The following PDE2A variants were observed in gnomAD, a reference collection of about 807,000 sequenced individuals.
The protein encoded by PDE2A is phosphodiesterase 2A, also known as cGMP-dependent 3',5'-cyclic phosphodiesterase.
A neutral mutation model predicts 133.6 loss-of-function variants in PDE2A; 53 were observed. The observed-to-expected ratio is 0.40, with a 90% CI of 0.32 to 0.50. The LOEUF is 0.50. PDE2A is among the 20% of genes least tolerant of loss of function. The pLI is 0.73. For synonymous variants in PDE2A, 491 were observed against 490.2 expected (o/e 1.00, Z -0.02); for missense variants, 796 against 1,232.4 (o/e 0.65, Z 5.30).
chr11:72,578,998 G>A lies in PDE2A; in HGVS notation c.2368C>T (p.Arg790Ter). 6 of 1,612,248 alleles carry A rather than the reference G, an allele frequency of 3.7e-6. No homozygotes were observed. Among genetic ancestry groups the A allele is most frequent in the Non-Finnish European group, 5.1e-6 (6 of 1,178,358 alleles). ...LQKMAEVGYD[R>*]NNKQHHRLLL... ...AGTCTGTGGTGCTGCTTGTTGTTTC[G>A]GTCGTAGCCCACTGTTGAGGGGAGG... Residue 790 changes from arginine (R) to a stop codon, truncating the protein, a stop_gained, in exon 28 of 31, where the codon CGA becomes TGA. Transcript: ENST00000334456. LOFTEE classifies it high-confidence loss of function. This position sits in a 1 kb window ranked among gnomAD's most constrained non-coding sequence, Gnocchi z 4.2.
chr11:72,596,616 C>G lies in PDE2A; in HGVS notation c.466G>C (p.Gly156Arg), dbSNP rs751686991. The change falls in exon 6 of 31, where the codon GGG (glycine) becomes CGG (arginine). Residue 156 changes from glycine to arginine, a missense_variant. Physicochemically the swap from Gly to Arg is moderately radical, Grantham distance 125. Coordinates refer to ENST00000334456, the MANE Select transcript of PDE2A (RefSeq NM_002599.5). Reference protein sequence around the residue: ...LVMPLADKEAGAVAAVILVHC... With the variant: ...LVMPLADKEARAVAAVILVHC... Reference sequence around the variant, plus strand: ...ACCAAGATGACAGCTGCCACGGCCCCAGCCTCCTTGTCCGCTAGCGGCATG... The same window carrying G: ...ACCAAGATGACAGCTGCCACGGCCCGAGCCTCCTTGTCCGCTAGCGGCATG... 2 of 1,516,266 alleles carry G rather than the reference C, an allele frequency of 1.3e-6. No homozygotes were observed. The highest frequency in any genetic ancestry group is 3.9e-5 in the Admixed American group (2 of 51,030). 93.9% of individuals were successfully genotyped at this position (1,516,266 alleles called of 1,614,324 possible).
intron 2 of PDE2A, among the ~76,000 whole-genome samples, chr11:72,640,122 C>T (rs1325584146): frequency 2.0e-5 from 3 of 151,876 alleles, no homozygotes; most frequent in Non-Finnish European, 4.4e-5. Flanking sequence ...CACGTCACAC[C>T]AAAAAGTCAC....
chr11:72,642,482 G>T (rs1181939344), intron 1 of PDE2A, 156 bp from the exon 2 acceptor site: 2 of 722,896 alleles, frequency 2.8e-6, no homozygotes, highest in Non-Finnish European at 3.2e-6. Context: ...CCCCGCCCCG[G>T]CCCGCCCCCC....
At chr11:72,596,702 T>G in intron 5 of PDE2A, 54 bp from the exon 6 acceptor site, 2 of 1,222,216 alleles carry the variant, frequency 1.6e-6, no homozygotes, top group African/African-American at 3.1e-5. Flanking sequence ...GGCTCAGAGA[T>G]ACCGAGCCGG....
At chr11:72,628,638 G>A (rs1858210040) in intron 2 of PDE2A, among the ~76,000 whole-genome samples, 4 of 152,218 alleles carry the variant, frequency 2.6e-5, no homozygotes, top group South Asian at 4.1e-4. Flanking sequence ...AGTGATAGAC[G>A]TTCTTATCCC....
At chr11:72,591,167 G>T in intron 7 of PDE2A, 130 bp downstream of exon 7, 7 of 741,240 alleles carry the variant, frequency 9.4e-6, no homozygotes, top group South Asian at 9.4e-5. Flanking sequence ...CTTGCTCAAG[G>T]TCACACAGCT....
intron 3 of PDE2A, among the ~76,000 whole-genome samples, chr11:72,606,805 G>T (rs1029535747): frequency 1.3e-5 from 2 of 152,204 alleles, no homozygotes; most frequent in Non-Finnish European, 2.9e-5. Flanking sequence ...TAGTCCATGG[G>T]GGCAGAGGGG....
At chr11:72,629,240 A>G (rs1858249048) in intron 2 of PDE2A, among the ~76,000 whole-genome samples, 1 of 150,960 alleles carries the variant, frequency 6.6e-6, no homozygotes. Flanking sequence ...GACAAAGAGC[A>G]GAACTTGAAC....
At chr11:72,579,438 C>A in intron 26 of PDE2A, 55 bp from the exon 27 acceptor site, 1 of 1,569,338 alleles carries the variant, frequency 6.4e-7, no homozygotes, top group Non-Finnish European at 8.7e-7. Context: ...CACCCATTTG[C>A]CCATCCCAGT....
rs150429517 is a variant in PDE2A, at chr11:72,623,970, A to G, written c.145-15219T>C. On this transcript the variant is annotated intron_variant, in intron 2 of 30. Transcript: ENST00000334456. ...GCACCATGCACACTCGCACACATAC[A>G]TATTCTGCAACCTGAGCAATCTTTT... 1.8e-3 allele frequency among the ~76,000 whole-genome samples: 265 copies of G among 148,596 alleles called. 1 individual carries two copies. Among genetic ancestry groups the G allele is most frequent in the African/African-American group, 6.4e-3 (256 of 40,312 alleles).
chr11:72,608,136 G>A (rs1857051439), intron 3 of PDE2A, among the ~76,000 whole-genome samples: 1 of 152,120 alleles, frequency 6.6e-6, no homozygotes, highest in Non-Finnish European at 1.5e-5. Context: ...CCATGGTATT[G>A]GGATGGGACA....
Position 72,648,574 on chromosome 11 carries a change from G to A in PDE2A, c.72-6248C>T, listed in dbSNP as rs1401902751. On this transcript the variant is annotated intron_variant, in intron 1 of 30. Coordinates refer to ENST00000334456, the MANE Select transcript of PDE2A (RefSeq NM_002599.5). ...CCATTTTCATGTGATTTGCATGCATGTTTGTCTTGTCTGCAGCAGATGGCT... is the reference window on the plus strand; with the variant it reads ...CCATTTTCATGTGATTTGCATGCATATTTGTCTTGTCTGCAGCAGATGGCT... 2.6e-5 allele frequency among the ~76,000 whole-genome samples: 4 copies of A among 152,136 alleles called. No individual in the cohort carries two copies. In the East Asian group the frequency reaches 7.7e-4, roughly 29 times the overall value.
At position 72,576,331 on chromosome 11, in the gene PDE2A, C is replaced by G; in HGVS notation, c.*1053G>C. 6.6e-6 allele frequency: 1 copy of G among 152,272 alleles called. No homozygotes were observed. The highest frequency in any genetic ancestry group is 2.1e-4 in the South Asian group (1 of 4,824). The allele number at this position is 152,272 out of a possible 1,614,324, so 9.4% of individuals were successfully genotyped here. ...AGAGAAAAAGAGAGAAGCCAGTGGC[C>G]GGGCTGACCCAAGAGTCCCGGCCCT... On this transcript the variant is annotated 3_prime_UTR_variant, in exon 31 of 31. Coordinates refer to ENST00000334456, the MANE Select transcript of PDE2A (RefSeq NM_002599.5).
At chr11:72,671,269 G>A (rs1855377810) in intron 1 of PDE2A, among the ~76,000 whole-genome samples, 1 of 152,212 alleles carries the variant, frequency 6.6e-6, no homozygotes, top group African/African-American at 2.4e-5. Flanking sequence ...TGTGTCCCCG[G>A]TGACAAGCCA....
intron 2 of PDE2A, among the ~76,000 whole-genome samples, chr11:72,627,532 G>A (rs565320537): frequency 6.6e-6 from 1 of 152,348 alleles, no homozygotes; most frequent in Admixed American, 6.5e-5. Flanking sequence ...AGGGGGAGCT[G>A]CTGTGTGCTG....
intron 2 of PDE2A, among the ~76,000 whole-genome samples, chr11:72,623,418 T>G (rs1027687750): frequency 6.6e-6 from 1 of 151,962 alleles, no homozygotes; most frequent in Non-Finnish European, 1.5e-5. Context: ...ATATTCAGAG[T>G]TTAAGGCTCG....
rs202076454 is a variant in PDE2A, at chr11:72,577,554, C to T, written c.2656G>A (p.Glu886Lys). The part of the protein sequence containing the change: ...DLFPKAAELY[E>K]RVASNREHWT... ...TGCTCACGGTTGGAGGCCACGCGCT[C>T]GTACAGCTCTGCCGCTTTGGGGAAC... Residue 886 changes from glutamate (E) to lysine (K), a missense_variant, in exon 31 of 31, where the codon GAG (glutamate) becomes AAG (lysine). Physicochemically the swap from Glu to Lys is moderately conservative, Grantham distance 56. Coordinates refer to ENST00000334456, the MANE Select transcript of PDE2A (RefSeq NM_002599.5). The T allele has an allele frequency of 5.6e-6, 9 of 1,608,752 alleles. No individual in the cohort carries two copies. The highest frequency in any genetic ancestry group is 4.5e-5 in the East Asian group (2 of 44,878).
intron 3 of PDE2A, among the ~76,000 whole-genome samples, chr11:72,606,752 G>A (rs900625037): frequency 7.2e-5 from 11 of 152,208 alleles, no homozygotes; most frequent in African/African-American, 2.2e-4. Flanking sequence ...GAGACCAGCC[G>A]GGGTTACACA....
At position 72,655,708 on chromosome 11, in the gene PDE2A, A is replaced by G. The variant is rs1020383653; in HGVS notation, c.72-13382T>C. ...ACAGTGGAGTGATGAATGAGATGAT[A>G]CATATGGCTCTGCAACAATACTTGC... On this transcript the variant is annotated intron_variant, in intron 1 of 30. Transcript: ENST00000334456. Among the ~76,000 whole-genome samples the G allele has an allele frequency of 2.6e-5, 4 of 152,164 alleles. No homozygotes were observed. In the South Asian group the frequency reaches 6.2e-4, roughly 24 times the overall value.
Sources: allele counts gnomAD v4.1 joint callset (sites outside exome capture counted in the v4.1 genomes callset), GRCh38; gene constraint gnomAD v4.1.1; non-coding constraint Gnocchi (gnomAD v3.1); transcripts MANE v1.5; gene names NCBI Gene and HGNC (gene_info 2026-07-23, HGNC 2026-07-21).